GRID2: variants seen among roughly 807,000 people sequenced by gnomAD.
The protein encoded by GRID2 is glutamate receptor ionotropic, delta-2.
Under a neutral mutation model 114.8 loss-of-function variants are expected in GRID2, and 33 were observed. The ratio of observed to expected loss-of-function variants is 0.29; its 90% CI spans 0.22 to 0.38. The LOEUF (loss-of-function observed/expected upper bound fraction) is 0.38, where lower values mean the gene tolerates loss of function less well. Ranked by LOEUF, GRID2 falls within the 10% of genes least tolerant of loss-of-function variation. GRID2 has a pLI of 1.00. For synonymous variants in GRID2, 505 were observed against 449.9 expected (o/e 1.12, Z -1.55); for missense variants, 1,184 against 1,257.7 (o/e 0.94, Z 0.89).
intron 1 of GRID2, among the ~76,000 whole-genome samples, chr4:92,579,977 TATGTATATGTATTTTAC>T (rs1239062026): frequency 1.4e-5 from 2 of 140,828 alleles, no homozygotes; most frequent in African/African-American, 2.5e-5. Flanking sequence ...ATATTTTATA[TATGTATATGTATTTTAC>T]ATATATATTT....
chr4:93,303,577 C>A (rs1755096246), intron 8 of GRID2, among the ~76,000 whole-genome samples: 1 of 152,184 alleles, frequency 6.6e-6, no homozygotes, highest in African/African-American at 2.4e-5. Context: ...TTGTGGTGAT[C>A]AGGGCGCAGG....
At chr4:93,109,787 G>A (rs951774011) in intron 3 of GRID2, among the ~76,000 whole-genome samples, 15 of 151,978 alleles carry the variant, frequency 9.9e-5, no homozygotes, top group African/African-American at 3.6e-4. Flanking sequence ...AGCTTGTATT[G>A]TGCCAGATAC....
At chr4:92,318,507 CTTTTTT>C (rs34235006) in intron 1 of GRID2, among the ~76,000 whole-genome samples, 1 of 64,392 alleles carries the variant, frequency 1.6e-5, no homozygotes, top group Non-Finnish European at 2.7e-5. Flanking sequence ...TATGCCAGGA[CTTTTTT>C]TTTTTTTTTT....
chr4:92,741,457 G>A (rs1296368396), intron 2 of GRID2, among the ~76,000 whole-genome samples: 1 of 152,094 alleles, frequency 6.6e-6, no homozygotes, highest in African/African-American at 2.4e-5. Context: ...TTCACACTAT[G>A]AAATTCTTAC....
intron 2 of GRID2, among the ~76,000 whole-genome samples, chr4:93,023,788 A>G (rs1723625432): frequency 6.6e-6 from 1 of 151,860 alleles, no homozygotes; most frequent in Non-Finnish European, 1.5e-5. Flanking sequence ...AGAGAAATAA[A>G]GGGTAAAATA....
At chr4:92,330,854 C>T (rs576855637) in intron 1 of GRID2, among the ~76,000 whole-genome samples, 6 of 152,054 alleles carry the variant, frequency 3.9e-5, no homozygotes, top group Admixed American at 2.6e-4. Context: ...GAATTTTTTT[C>T]AAACTCATCT....
At chr4:93,622,424 A>G (rs144114344) in intron 13 of GRID2, among the ~76,000 whole-genome samples, 1 of 152,320 alleles carries the variant, frequency 6.6e-6, no homozygotes, top group Non-Finnish European at 1.5e-5. Context: ...GGATTGTTAA[A>G]ATGCATACTC....
In GRID2 at chr4:93,773,838, A is replaced by AT. The variant is rs1326496544; in HGVS notation, c.*1346dup. ...TTAGTTCTATTTGGAGGAGTTATGT[A>AT]TTTTTTACATTAGTGCCAAGTATAT... On this transcript the variant is annotated 3_prime_UTR_variant, in exon 16 of 16. Transcript: ENST00000282020. The AT allele has an allele frequency of 6.6e-6, 1 of 152,052 alleles. No homozygotes were observed. Among genetic ancestry groups the AT allele is most frequent in the Non-Finnish European group, 1.5e-5 (1 of 67,964 alleles). 9.4% of individuals were successfully genotyped at this position (152,052 alleles called of 1,614,324 possible). A position where few individuals can be genotyped will look rare whatever the true frequency, so the allele number is the denominator to read the frequency against.
At chr4:92,495,629 T>C (rs1366769082) in intron 1 of GRID2, among the ~76,000 whole-genome samples, 1 of 151,980 alleles carries the variant, frequency 6.6e-6, no homozygotes, top group Non-Finnish European at 1.5e-5. Context: ...GGAGGCTGAA[T>C]GAATAATCAC....
At chr4:92,678,971 C>CTT (rs35349895) in intron 2 of GRID2, among the ~76,000 whole-genome samples, 12 of 138,700 alleles carry the variant, frequency 8.7e-5, no homozygotes, top group Admixed American at 3.6e-4. Flanking sequence ...CTGCAAATAG[C>CTT]TTTTTTTTTT....
At chr4:93,666,086 G>C (rs1362445557) in intron 14 of GRID2, among the ~76,000 whole-genome samples, 1 of 152,038 alleles carries the variant, frequency 6.6e-6, no homozygotes, top group East Asian at 1.9e-4. Flanking sequence ...AAAATGTCTT[G>C]AATGTAATAG....
At chr4:92,465,006 T>G (rs1334156033) in intron 1 of GRID2, among the ~76,000 whole-genome samples, 1 of 152,080 alleles carries the variant, frequency 6.6e-6, no homozygotes, top group Non-Finnish European at 1.5e-5. Flanking sequence ...TCTCTTGCTC[T>G]GCCATGTGAA....
At chr4:93,082,296 C>T (rs1286311563) in intron 2 of GRID2, among the ~76,000 whole-genome samples, 6 of 152,240 alleles carry the variant, frequency 3.9e-5, no homozygotes, top group Non-Finnish European at 8.8e-5. Context: ...ATCTTTACTT[C>T]GCTATGCAAA....
chr4:93,232,273 A>G (rs1746238406), intron 7 of GRID2, among the ~76,000 whole-genome samples: 2 of 152,158 alleles, frequency 1.3e-5, no homozygotes, highest in Admixed American at 1.3e-4. Context: ...TTGCACATAA[A>G]ATCACTGGAC....
At chr4:92,914,987 A>G (rs1202446754) in intron 2 of GRID2, among the ~76,000 whole-genome samples, 1 of 152,154 alleles carries the variant, frequency 6.6e-6, no homozygotes, top group Non-Finnish European at 1.5e-5. Context: ...AATATAAAGG[A>G]AACAGATTCA....
At chr4:92,444,810 T>G (rs2149072148) in intron 1 of GRID2, among the ~76,000 whole-genome samples, 1 of 152,342 alleles carries the variant, frequency 6.6e-6, no homozygotes, top group South Asian at 2.1e-4. Context: ...AGATGTTTAT[T>G]TTTGCCCTTA....
chr4:92,798,903 A>G (rs1255382537), intron 2 of GRID2, among the ~76,000 whole-genome samples: 3 of 151,962 alleles, frequency 2.0e-5, no homozygotes, highest in African/African-American at 7.2e-5. Flanking sequence ...GTTCATTTTA[A>G]AAATTATGTA....
chr4:93,055,544 A>T (rs893641813), intron 2 of GRID2, among the ~76,000 whole-genome samples: 21 of 151,908 alleles, frequency 1.4e-4, no homozygotes, highest in African/African-American at 5.1e-4. Flanking sequence ...AACAACAAAA[A>T]CATATAAAAA....
intron 13 of GRID2, among the ~76,000 whole-genome samples, chr4:93,544,304 CAAG>C (rs1732976980): frequency 2.7e-5 from 2 of 73,640 alleles, no homozygotes. Context: ...TTAAAATAAG[CAAG>C]TATAAAAACA....
Sources: allele counts gnomAD v4.1 joint callset (sites outside exome capture counted in the v4.1 genomes callset), GRCh38; gene constraint gnomAD v4.1.1; transcripts MANE v1.5; gene names NCBI Gene and HGNC (gene_info 2026-07-23, HGNC 2026-07-21).